Variants in FANK1 observed in about 807,000 individuals in gnomAD.
FANK1 encodes the protein fibronectin type III and ankyrin repeat domains 1.
In FANK1, 44 loss-of-function variants were observed where a neutral mutation model predicts 45.3. The observed-to-expected ratio is 0.97, with a 90% confidence interval of 0.76 to 1.25. The LOEUF is 1.25. Among genes scored for constraint, FANK1 ranks in the 50% most tolerant of loss-of-function variants. FANK1 has a pLI of 0.00. For synonymous variants in FANK1, 149 were observed against 152.5 expected, an observed-to-expected ratio of 0.98 and a Z score of 0.17; for missense variants, 391 against 424.4, an observed-to-expected ratio of 0.92 and a Z score of 0.69.
At chr10:125,966,196 T>G (rs1950193405) in intron 1 of FANK1, among the ~76,000 whole-genome samples, 1 of 152,222 alleles carries the variant, frequency 6.6e-6, no homozygotes. Flanking sequence ...AAGCAACTTT[T>G]GGGCAGTTTG....
chr10:125,922,990 T>G (rs964223460), intron 1 of FANK1, among the ~76,000 whole-genome samples: 3 of 152,112 alleles, frequency 2.0e-5, no homozygotes, highest in Admixed American at 6.5e-5. Context: ...GCAGAGTTTT[T>G]TTTGTTTGGT....
chr10:125,983,597 A>G lies in FANK1; in HGVS notation c.191+3259A>G, dbSNP rs1001322008. On this transcript the variant is annotated intron_variant, in intron 2 of 10. Transcript: ENST00000368693. This position sits in a 1 kb window ranked among gnomAD's most constrained non-coding sequence, Gnocchi z 4.3. ...CAAGGATACCTGGAGCCTTGCAACT[A>G]TCTGGGGGAAGAACCTTCCAGACAT... Among the ~76,000 whole-genome samples the G allele has an allele frequency of 6.6e-6, 1 of 152,156 alleles. No individual in the cohort carries two copies. Among genetic ancestry groups the G allele is most frequent in the Non-Finnish European group, 1.5e-5 (1 of 68,030 alleles).
intron 1 of FANK1, among the ~76,000 whole-genome samples, chr10:125,952,402 A>G (rs1289131409): frequency 6.6e-6 from 1 of 152,006 alleles, no homozygotes; most frequent in East Asian, 1.9e-4. Flanking sequence ...TGCCCTGAAA[A>G]CCACTGAGCT....
chr10:125,970,656 A>G (rs930351870), intron 1 of FANK1, among the ~76,000 whole-genome samples: 54 of 152,324 alleles, frequency 3.5e-4, no homozygotes, highest in African/African-American at 1.0e-3. Context: ...CCACCAAAAA[A>G]TACAAAAACC....
In FANK1 at chr10:125,997,483, C is replaced by A; in HGVS notation, c.537C>A (p.Asp179Glu). 1.2e-6 allele frequency: 2 copies of A among 1,613,582 alleles called. No homozygotes were observed. The highest frequency in any genetic ancestry group is 1.7e-6 in the Non-Finnish European group (2 of 1,179,710). The change falls in exon 6 of 11, where the codon GAC (aspartate) becomes GAA (glutamate). Residue 179 changes from aspartate (D) to glutamate (E), a missense_variant and splice_region_variant. Asp to Glu is a conservative substitution (Grantham distance 45). Coordinates refer to ENST00000368693, the MANE Select transcript of FANK1 (RefSeq NM_145235.5). ...ATCTGAAGAATGGAAGTGGCAAGGACAGGTAGGAGGTGGGATATGACTGAA... is the reference window on the plus strand; with the variant it reads ...ATCTGAAGAATGGAAGTGGCAAGGAAAGGTAGGAGGTGGGATATGACTGAA... ...DVNLKNGSGKDSLMLACYAGH... is the reference protein window; with the variant it reads ...DVNLKNGSGKESLMLACYAGH...
intron 1 of FANK1, among the ~76,000 whole-genome samples, chr10:125,914,210 A>G (rs75023651): frequency 1.3e-5 from 2 of 150,404 alleles, no homozygotes; most frequent in African/African-American, 2.5e-5. Flanking sequence ...TTCATTCCTC[A>G]ATGTCACATT....
chr10:125,918,569 AAAAAAAAAAAAAAAAAAT>A (rs1946651351), intron 1 of FANK1, among the ~76,000 whole-genome samples: 1 of 120,142 alleles, frequency 8.3e-6, no homozygotes, highest in Admixed American at 8.2e-5. Context: ...AAAAAAAAAA[AAAAAAAAAAAAAAAAAAT>A]ATATATATAT....
At chr10:125,985,513 G>A (rs1214956710) in intron 2 of FANK1, among the ~76,000 whole-genome samples, 2 of 152,118 alleles carry the variant, frequency 1.3e-5, no homozygotes, top group Non-Finnish European at 2.9e-5. Flanking sequence ...TGGTAAATGT[G>A]TTTATATCAA....
At chr10:125,969,076 C>G (rs1055030281) in intron 1 of FANK1, among the ~76,000 whole-genome samples, 13 of 152,236 alleles carry the variant, frequency 8.5e-5, no homozygotes, top group African/African-American at 2.9e-4. Context: ...TTTTGAGGTA[C>G]TTCTTGTAGT....
At chr10:125,974,885 T>G (rs1366376410) in intron 1 of FANK1, 2 of 152,164 alleles carry the variant, frequency 1.3e-5, no homozygotes, top group Non-Finnish European at 1.5e-5. Flanking sequence ...TGGGGGTACG[T>G]GTGAAGGTTT....
At chr10:125,904,688 T>C (rs1945334083) in intron 1 of FANK1, among the ~76,000 whole-genome samples, 1 of 152,062 alleles carries the variant, frequency 6.6e-6, no homozygotes, top group African/African-American at 2.4e-5. Context: ...GTGTGCTGTT[T>C]TTAAAAATGA....
At chr10:125,940,817 C>T (rs960551322) in intron 1 of FANK1, among the ~76,000 whole-genome samples, 4 of 152,180 alleles carry the variant, frequency 2.6e-5, no homozygotes, top group East Asian at 3.8e-4. Context: ...TAATCAAGAA[C>T]GGAGAATGGC....
chr10:125,917,604 T>G (rs1289903841), intron 1 of FANK1, among the ~76,000 whole-genome samples: 2 of 152,216 alleles, frequency 1.3e-5, no homozygotes, highest in African/African-American at 4.8e-5. Context: ...TCCAGAAAAG[T>G]CAATTTCTTC....
intron 1 of FANK1, among the ~76,000 whole-genome samples, chr10:125,900,942 G>A (rs1287319288): frequency 1.3e-5 from 2 of 152,062 alleles, no homozygotes; most frequent in African/African-American, 4.8e-5. Flanking sequence ...GTGCCACTGT[G>A]CCCAGCCTTT....
intron 1 of FANK1, among the ~76,000 whole-genome samples, chr10:125,898,897 G>GTTTTTT (rs201482232): frequency 2.3e-5 from 3 of 128,890 alleles, no homozygotes; most frequent in Non-Finnish European, 4.8e-5. Context: ...AAGTTTTGTT[G>GTTTTTT]TTTTTTTTTT....
chr10:125,977,114 T>C (rs906834858), intron 1 of FANK1, among the ~76,000 whole-genome samples: 6 of 152,208 alleles, frequency 3.9e-5, no homozygotes, highest in South Asian at 2.1e-4. Flanking sequence ...CAGTTCTGCC[T>C]GGTTACAAAC....
At chr10:125,974,054 T>C (rs1387359340) in intron 1 of FANK1, among the ~76,000 whole-genome samples, 2 of 152,274 alleles carry the variant, frequency 1.3e-5, no homozygotes, top group East Asian at 1.9e-4. Context: ...ATCATTTATT[T>C]AGATACTTTG....
intron 1 of FANK1, among the ~76,000 whole-genome samples, chr10:125,978,478 G>A (rs55824881): frequency 1.4e-3 from 213 of 152,034 alleles, no homozygotes; most frequent in Admixed American, 2.6e-3. Context: ...TGCCATCCCA[G>A]GGGAAATTCA....
intron 6 of FANK1, among the ~76,000 whole-genome samples, chr10:125,998,186 C>T (rs541701015): frequency 1.2e-3 from 178 of 152,336 alleles, no homozygotes; most frequent in Non-Finnish European, 2.2e-3. Context: ...CAGGCCCTGG[C>T]TTCAGGGGCT....
Sources: allele counts gnomAD v4.1 joint callset (sites outside exome capture counted in the v4.1 genomes callset), GRCh38; gene constraint gnomAD v4.1.1; non-coding constraint Gnocchi (gnomAD v3.1); transcripts MANE v1.5; gene names NCBI Gene and HGNC (gene_info 2026-07-23, HGNC 2026-07-21).